DIAPH3: variants seen among roughly 807,000 people sequenced by gnomAD.
DIAPH3 encodes the protein diaphanous related formin 3, also known as protein diaphanous homolog 3.
A neutral mutation model predicts 144.3 loss-of-function variants in DIAPH3; 117 were observed. That is an observed-to-expected ratio of 0.81 (90% CI 0.70 to 0.95). The LOEUF is 0.95. Among genes scored for constraint, DIAPH3 ranks in the 40% least tolerant of loss-of-function variants. The pLI, the probability that DIAPH3 is intolerant of heterozygous loss-of-function variation, is 0.00. For synonymous variants in DIAPH3, 519 were observed against 488.9 expected (o/e 1.06, Z -0.81); for missense variants, 1,421 against 1,412.7 (o/e 1.01, Z -0.09).
chr13:60,073,999 C>T (rs1040183908), intron 4 of DIAPH3, among the ~76,000 whole-genome samples: 2 of 152,128 alleles, frequency 1.3e-5, no homozygotes, highest in Admixed American at 1.3e-4. Flanking sequence ...TCTGTTTCTG[C>T]TAAGAAAACA....
chr13:59,738,298 G>C (rs961332486), intron 27 of DIAPH3, among the ~76,000 whole-genome samples: 3 of 152,124 alleles, frequency 2.0e-5, no homozygotes, highest in Non-Finnish European at 2.9e-5. Context: ...AAGGTGGCCT[G>C]CCAAAGCAAG....
intron 13 of DIAPH3, 67 bp downstream of exon 13, chr13:59,983,702 A>G (rs538953583): frequency 2.2e-5 from 24 of 1,103,968 alleles, no homozygotes; most frequent in Non-Finnish European, 3.0e-5. Flanking sequence ...CCGAGAACCA[A>G]TGCCCTAGAG....
intron 27 of DIAPH3, among the ~76,000 whole-genome samples, chr13:59,671,635 G>A (rs1359419663): frequency 1.3e-5 from 2 of 152,138 alleles, no homozygotes; most frequent in African/African-American, 4.8e-5. Context: ...AATTCAGTAA[G>A]AAAATGCAAT....
chr13:59,990,676 C>A (rs1449182152), intron 12 of DIAPH3, among the ~76,000 whole-genome samples: 3 of 151,848 alleles, frequency 2.0e-5, no homozygotes, highest in Admixed American at 2.0e-4. Flanking sequence ...AATTTGTTAA[C>A]CTCAGATGGC....
At chr13:59,839,527 T>G (rs2042226747) in intron 22 of DIAPH3, 79 bp from the exon 23 acceptor site, 2 of 1,360,584 alleles carry the variant, frequency 1.5e-6, no homozygotes, top group East Asian at 4.9e-5. Flanking sequence ...AAACAAAACA[T>G]TCATGAAAAC....
intron 2 of DIAPH3, among the ~76,000 whole-genome samples, chr13:60,132,662 T>G (rs1273923217): frequency 6.6e-6 from 1 of 152,130 alleles, no homozygotes; most frequent in Non-Finnish European, 1.5e-5. Flanking sequence ...ACTTCTTTTT[T>G]GAAGTGTGCA....
In DIAPH3 at chr13:59,666,851, A is replaced by G; in HGVS notation, c.3320-5T>C. 6.2e-7 allele frequency: 1 copy of G among 1,614,106 alleles called. No homozygotes were observed. The highest frequency in any genetic ancestry group is 8.5e-7 in the Non-Finnish European group (1 of 1,179,970). On this transcript the variant is annotated splice_polypyrimidine_tract_variant and splice_region_variant and intron_variant, in intron 27 of 27. Transcript: ENST00000400324. The stretch of plus-strand genomic sequence containing the variant: ...TCAACTGCACTTTCTGATTTTCTAC[A>G]GTAAGGAAAAAAGAAACATAAAACT...
At chr13:59,963,004 A>C (rs2049849141) in intron 17 of DIAPH3, among the ~76,000 whole-genome samples, 2 of 152,174 alleles carry the variant, frequency 1.3e-5, no homozygotes, top group African/African-American at 4.8e-5. Context: ...AGGTTAAAGT[A>C]TGTGGGTTTT....
At chr13:59,757,113 A>T (rs567230059) in intron 27 of DIAPH3, among the ~76,000 whole-genome samples, 1 of 152,288 alleles carries the variant, frequency 6.6e-6, no homozygotes, top group Middle Eastern at 3.4e-3. Context: ...AATGCAAAAC[A>T]ATAAGACACC....
chr13:59,787,012 GA>G (rs1251285397), intron 25 of DIAPH3, among the ~76,000 whole-genome samples: 1 of 152,122 alleles, frequency 6.6e-6, no homozygotes, highest in Non-Finnish European at 1.5e-5. Context: ...GACGTGGGGG[GA>G]TCACTCGAGC....
chr13:60,036,801 TAG>T (rs375502251), intron 5 of DIAPH3, among the ~76,000 whole-genome samples: 19 of 151,766 alleles, frequency 1.3e-4, no homozygotes, highest in Non-Finnish European at 2.5e-4. Flanking sequence ...CAGAATGGAG[TAG>T]AGAGAGACAA....
chr13:59,809,167 A>G (rs527646655), intron 25 of DIAPH3, among the ~76,000 whole-genome samples: 1 of 152,324 alleles, frequency 6.6e-6, no homozygotes, highest in African/African-American at 2.4e-5. Context: ...CCAATCTGCC[A>G]TCTAGCAACT....
At chr13:60,044,591 A>G (rs1363245777) in intron 4 of DIAPH3, among the ~76,000 whole-genome samples, 1 of 152,210 alleles carries the variant, frequency 6.6e-6, no homozygotes, top group African/African-American at 2.4e-5. Context: ...TGTTCAACAG[A>G]GAAAATTTAG....
chr13:59,999,811 C>G (rs930549568), intron 9 of DIAPH3, among the ~76,000 whole-genome samples: 2 of 152,138 alleles, frequency 1.3e-5, no homozygotes, highest in Non-Finnish European at 2.9e-5. Context: ...TCCCCCAGCT[C>G]CTCCTCCAGG....
intron 22 of DIAPH3, among the ~76,000 whole-genome samples, chr13:59,840,260 A>G (rs1294688908): frequency 1.3e-5 from 2 of 152,126 alleles, no homozygotes; most frequent in Non-Finnish European, 2.9e-5. Flanking sequence ...AAAAAAATCT[A>G]TTGTTTTTGT....
At chr13:60,086,041 T>A (rs2137846273) in intron 4 of DIAPH3, among the ~76,000 whole-genome samples, 1 of 152,188 alleles carries the variant, frequency 6.6e-6, no homozygotes. Context: ...ATAGCAGTTT[T>A]TCCATATCTG....
chr13:60,053,106 G>T (rs921518440), intron 4 of DIAPH3, among the ~76,000 whole-genome samples: 22 of 151,210 alleles, frequency 1.5e-4, no homozygotes, highest in African/African-American at 5.1e-4. Flanking sequence ...CCAAACACAG[G>T]TATAGAAAAA....
At chr13:59,673,544 G>A (rs759954096) in intron 27 of DIAPH3, among the ~76,000 whole-genome samples, 1 of 152,136 alleles carries the variant, frequency 6.6e-6, no homozygotes, top group Non-Finnish European at 1.5e-5. Flanking sequence ...TTTTGCTAAT[G>A]AGGTAACTCA....
chr13:60,161,310 G>A (rs191846782), intron 1 of DIAPH3, among the ~76,000 whole-genome samples: 1 of 152,302 alleles, frequency 6.6e-6, no homozygotes, highest in African/African-American at 2.4e-5. Flanking sequence ...ACACCTACAA[G>A]TACAATTACT....
Sources: allele counts gnomAD v4.1 joint callset (sites outside exome capture counted in the v4.1 genomes callset), GRCh38; gene constraint gnomAD v4.1.1; transcripts MANE v1.5; gene names NCBI Gene and HGNC (gene_info 2026-07-23, HGNC 2026-07-21).